LRRC72: variants seen among roughly 807,000 people sequenced by gnomAD.
LRRC72 encodes the protein leucine-rich repeat-containing protein 72.
A neutral mutation model predicts 35.8 loss-of-function variants in LRRC72; 41 were observed. That is an observed-to-expected ratio of 1.15 (90% CI 0.89 to 1.49). The LOEUF (loss-of-function observed/expected upper bound fraction) is 1.49. Ranked by LOEUF, LRRC72 falls within the 40% of genes most tolerant of loss-of-function variation. The probability of loss-of-function intolerance (pLI) is 0.00; values close to 1 mark genes in which losing one functional copy is unlikely to be tolerated. For synonymous variants in LRRC72, 118 were observed against 119.2 expected, an observed-to-expected ratio of 0.99 and a Z score of 0.07; for missense variants, 389 against 330.7, an observed-to-expected ratio of 1.18 and a Z score of -1.37.
chr7:16,558,174 T>G (rs914426946), intron 4 of LRRC72, among the ~76,000 whole-genome samples: 5 of 152,172 alleles, frequency 3.3e-5, no homozygotes. Flanking sequence ...TTGGAGGAGA[T>G]GAGTAATTTT....
At chr7:16,549,145 T>G (rs900362716) in intron 3 of LRRC72, among the ~76,000 whole-genome samples, 3 of 152,194 alleles carry the variant, frequency 2.0e-5, no homozygotes, top group Non-Finnish European at 4.4e-5. Flanking sequence ...GGTCACCAGT[T>G]ATAAATTTGA....
chr7:16,558,792 T>A (rs1024562365), intron 4 of LRRC72, 97 bp from the exon 5 acceptor site: 2 of 566,000 alleles, frequency 3.5e-6, no homozygotes, highest in African/African-American at 2.0e-5. Context: ...TTAGTTAGCA[T>A]GTTAATTAGC....
chr7:16,529,846 A>G (rs1423235408), intron 1 of LRRC72, among the ~76,000 whole-genome samples: 1 of 152,198 alleles, frequency 6.6e-6, no homozygotes, highest in Non-Finnish European at 1.5e-5. Context: ...TAAAACATGC[A>G]TTACTTTCTG....
intron 7 of LRRC72, among the ~76,000 whole-genome samples, chr7:16,579,397 T>C (rs2128339572): frequency 6.6e-6 from 1 of 152,282 alleles, no homozygotes; most frequent in East Asian, 1.9e-4. Context: ...TCGCTGCTGC[T>C]TGTGGAATGG....
intron 7 of LRRC72, among the ~76,000 whole-genome samples, chr7:16,574,064 GGTTATTA>G (rs1218451616): frequency 6.6e-6 from 1 of 152,110 alleles, no homozygotes; most frequent in Non-Finnish European, 1.5e-5. Flanking sequence ...CATCATCACT[GGTTATTA>G]GAGAAATGCA....
chr7:16,558,707 G>T (rs1782693108), intron 4 of LRRC72, among the ~76,000 whole-genome samples, 182 bp from the exon 5 acceptor site: 1 of 151,738 alleles, frequency 6.6e-6, no homozygotes. Flanking sequence ...ATGCCTTATT[G>T]TATTCTTAAT....
chr7:16,567,645 A>G, intron 7 of LRRC72, 102 bp downstream of exon 7: 1 of 965,604 alleles, frequency 1.0e-6, no homozygotes, highest in East Asian at 2.9e-5. Flanking sequence ...ATTTACAATA[A>G]ACTTAAGTAT....
chr7:16,569,002 T>C (rs1445644422), intron 7 of LRRC72, among the ~76,000 whole-genome samples: 1 of 152,226 alleles, frequency 6.6e-6, no homozygotes, highest in Non-Finnish European at 1.5e-5. Flanking sequence ...GAACTTTTTA[T>C]TGTGAAAATT....
At chr7:16,554,838 T>G (rs188283118) in intron 3 of LRRC72, among the ~76,000 whole-genome samples, 2 of 152,336 alleles carry the variant, frequency 1.3e-5, no homozygotes, top group Admixed American at 1.3e-4. Flanking sequence ...GTGTTCTTCT[T>G]GTTTTAATGA....
At chr7:16,575,634 C>A (rs1042809949) in intron 7 of LRRC72, among the ~76,000 whole-genome samples, 3 of 152,168 alleles carry the variant, frequency 2.0e-5, no homozygotes, top group African/African-American at 7.2e-5. Context: ...GATACTTGAT[C>A]TGACACATAC....
At chr7:16,562,925 T>C (rs1174462624) in intron 5 of LRRC72, among the ~76,000 whole-genome samples, 1 of 152,202 alleles carries the variant, frequency 6.6e-6, no homozygotes, top group Non-Finnish European at 1.5e-5. Flanking sequence ...ATTTCCATAT[T>C]CAGTAAAAAG....
At chr7:16,573,749 A>G (rs542877847) in intron 7 of LRRC72, among the ~76,000 whole-genome samples, 2 of 152,368 alleles carry the variant, frequency 1.3e-5, no homozygotes, top group African/African-American at 2.4e-5. Context: ...ATGGGCAAAG[A>G]CTTCATGACT....
intron 4 of LRRC72, among the ~76,000 whole-genome samples, chr7:16,558,283 A>G (rs973988574): frequency 6.6e-6 from 1 of 152,210 alleles, no homozygotes; most frequent in Non-Finnish European, 1.5e-5. Flanking sequence ...CTCCAAAATC[A>G]ATCAAACAAA....
chr7:16,561,581 C>T (rs563158167), intron 5 of LRRC72, among the ~76,000 whole-genome samples: 4 of 152,102 alleles, frequency 2.6e-5, no homozygotes, highest in Non-Finnish European at 5.9e-5. Flanking sequence ...CAATAGTTTA[C>T]GACCACTACT....
At chr7:16,546,424 G>T (rs1782444142) in intron 3 of LRRC72, among the ~76,000 whole-genome samples, 1 of 152,066 alleles carries the variant, frequency 6.6e-6, no homozygotes, top group South Asian at 2.1e-4. Context: ...AATGCCAGGA[G>T]ATGCCCCCCA....
intron 7 of LRRC72, among the ~76,000 whole-genome samples, chr7:16,578,553 G>A (rs925279332): frequency 6.6e-6 from 1 of 152,142 alleles, no homozygotes; most frequent in Admixed American, 6.5e-5. Flanking sequence ...TATACTATGA[G>A]TAATAACAAA....
At position 16,570,646 on chromosome 7, in the gene LRRC72, C is replaced by G. The variant is rs144223327; in HGVS notation, c.670+3103C>G. ...CCAGCCTGGCCAACATGACAAAACC[C>G]CATCTCTACCAAAAAATACAAAAAT... On this transcript the variant is annotated intron_variant, in intron 7 of 8. Coordinates refer to ENST00000401542, the MANE Select transcript of LRRC72 (RefSeq NM_001195280.2). Among the ~76,000 whole-genome samples, 415 of 152,178 alleles carry G rather than the reference C, an allele frequency of 2.7e-3. 3 individuals carry two copies. The highest frequency in any genetic ancestry group is 5.0e-3 in the Non-Finnish European group (340 of 68,010).
intron 1 of LRRC72, among the ~76,000 whole-genome samples, chr7:16,530,740 A>G (rs978857326): frequency 1.4e-4 from 21 of 152,188 alleles, no homozygotes; most frequent in African/African-American, 4.6e-4. Flanking sequence ...TGAGTCCTGG[A>G]GGTAGAATGG....
At chr7:16,544,931 G>A (rs892949416) in intron 3 of LRRC72, among the ~76,000 whole-genome samples, 2 of 151,740 alleles carry the variant, frequency 1.3e-5, no homozygotes, top group African/African-American at 2.4e-5. Flanking sequence ...CGCTTCTGGC[G>A]AAGTCATTGT....
Sources: gnomAD v4.1 joint callset for allele counts (sites outside exome capture counted in the v4.1 genomes callset) on GRCh38, gnomAD v4.1.1 for gene constraint, MANE v1.5 for transcripts, NCBI Gene and HGNC (gene_info 2026-07-23, HGNC 2026-07-21) for gene names.